The following BRIP1 variants were observed in gnomAD, a reference collection of about 807,000 sequenced individuals.
BRIP1 encodes the protein BRCA1 interacting DNA helicase 1.
Under a neutral mutation model 119.7 loss-of-function variants are expected in BRIP1, and 88 were observed. The observed-to-expected ratio is 0.74, with a 90% CI of 0.62 to 0.88. The LOEUF is 0.88. BRIP1 is among the 40% of genes least tolerant of loss of function. The pLI, the probability that BRIP1 is intolerant of heterozygous loss-of-function variation, is 0.00. For missense variants in BRIP1, 1,259 were observed against 1,455.4 expected (o/e 0.87, Z 2.20); for synonymous variants, 443 against 496.5 (o/e 0.89, Z 1.43).
At position 61,806,146 on chromosome 17, in the gene BRIP1, A is replaced by G. The variant is rs2078070255; in HGVS notation, c.918+2321T>C. On this transcript the variant is annotated intron_variant, in intron 7 of 19. Transcript: ENST00000259008. This position sits in a 1 kb window ranked among gnomAD's most constrained non-coding sequence, Gnocchi z 4.9. ...TGCAGGCTGACAGCAAAACCAGAAA[A>G]GCTCATCCATTTTAGCAGTGTAACA... Among the ~76,000 whole-genome samples the G allele has an allele frequency of 6.6e-6, 1 of 152,208 alleles. No homozygotes were observed. The highest frequency in any genetic ancestry group is 1.5e-5 in the Non-Finnish European group (1 of 68,034).
At chr17:61,784,632 C>A (rs2077677139) in intron 10 of BRIP1, among the ~76,000 whole-genome samples, 1 of 152,084 alleles carries the variant, frequency 6.6e-6, no homozygotes, top group Admixed American at 6.6e-5. Context: ...GGTTTGGGAC[C>A]ATGGGGGTAG....
In BRIP1 at chr17:61,825,003, C is replaced by T. The variant is rs998133404; in HGVS notation, c.628-16246G>A. ...AAAACCAGCACAAGAAAAGGAAGCCCGGCCGGGTGCAGTGGCTCACGCCTG... is the reference window on the plus strand; with the variant it reads ...AAAACCAGCACAAGAAAAGGAAGCCTGGCCGGGTGCAGTGGCTCACGCCTG... On this transcript the variant is annotated intron_variant, in intron 6 of 19. Transcript: ENST00000259008. The surrounding 1 kb of genome is among the most constrained non-coding windows in gnomAD (Gnocchi z 4.1). Among the ~76,000 whole-genome samples, 21 of 152,056 alleles carry T rather than the reference C, an allele frequency of 1.4e-4. No homozygotes were observed. The highest frequency in any genetic ancestry group is 1.2e-4 in the Non-Finnish European group (8 of 67,922).
rs538179178 is a variant in BRIP1 at position 61,814,720 on chromosome 17, T to C, written c.628-5963A>G. On this transcript the variant is annotated intron_variant, in intron 6 of 19. Coordinates refer to ENST00000259008, the MANE Select transcript of BRIP1 (RefSeq NM_032043.3). This position sits in a 1 kb window ranked among gnomAD's most constrained non-coding sequence, Gnocchi z 4.9. The stretch of plus-strand genomic sequence containing the variant: ...TGACCCAGCATGACACTGTTAGGTA[T>C]ACATGCTAGAAAAACTCTTGCACAT... 5.9e-5 allele frequency among the ~76,000 whole-genome samples: 9 copies of C among 152,128 alleles called. No individual in the cohort carries two copies. The East Asian group carries it at 1.7e-3, about 29-fold the overall frequency.
Position 61,748,091 on chromosome 17 carries a change from G to A in BRIP1, c.2098-3500C>T, listed in dbSNP as rs1024642940. The stretch of plus-strand genomic sequence containing the variant: ...CCAACCCCCAGGCCACAGAATACTG[G>A]TAGAATCCAGGCTGCACAGCAGGAG... On this transcript the variant is annotated intron_variant, in intron 14 of 19. Transcript: ENST00000259008. This position sits in a 1 kb window ranked among gnomAD's most constrained non-coding sequence, Gnocchi z 4.7. Among the ~76,000 whole-genome samples the A allele has an allele frequency of 6.6e-6, 1 of 152,120 alleles. No homozygotes were observed. Among genetic ancestry groups the A allele is most frequent in the Non-Finnish European group, 1.5e-5 (1 of 68,006 alleles).
At chr17:61,811,732 G>T (rs1371336106) in intron 6 of BRIP1, among the ~76,000 whole-genome samples, 1 of 151,444 alleles carries the variant, frequency 6.6e-6, no homozygotes, top group Non-Finnish European at 1.5e-5. Context: ...CACGTGGATT[G>T]CTTTGGGTCA....
rs1185773122 is a variant in BRIP1 at position 61,745,509 on chromosome 17, C to T, written c.2098-918G>A. ...TTAGCCTCCTGAGTAGCTGGGACTA[C>T]AGGTGCATGCCACTACACCCAGCTA... On this transcript the variant is annotated intron_variant, in intron 14 of 19. Coordinates refer to ENST00000259008, the MANE Select transcript of BRIP1 (RefSeq NM_032043.3). This position sits in a 1 kb window ranked among gnomAD's most constrained non-coding sequence, Gnocchi z 4.4. Among the ~76,000 whole-genome samples, 1 of 152,100 alleles carries T rather than the reference C, an allele frequency of 6.6e-6. No individual in the cohort carries two copies. Among genetic ancestry groups the T allele is most frequent in the Non-Finnish European group, 1.5e-5 (1 of 68,014 alleles).
In BRIP1 at chr17:61,770,468, A is replaced by T. The variant is rs982162009; in HGVS notation, c.2097+5933T>A. Among the ~76,000 whole-genome samples the T allele has an allele frequency of 2.0e-5, 3 of 152,254 alleles. No homozygotes were observed. The highest frequency in any genetic ancestry group is 2.9e-5 in the Non-Finnish European group (2 of 68,044). On this transcript the variant is annotated intron_variant, in intron 14 of 19. Transcript: ENST00000259008. The surrounding 1 kb of genome is among the most constrained non-coding windows in gnomAD (Gnocchi z 4.7). Reference sequence around the variant, plus strand: ...TAAAAGACAGTATAAAATGTGTTTTAACATAGATACAAAAGACAATATAAA... The same window carrying T: ...TAAAAGACAGTATAAAATGTGTTTTTACATAGATACAAAAGACAATATAAA...
Position 61,807,421 on chromosome 17 carries a change from T to C in BRIP1, c.918+1046A>G, listed in dbSNP as rs1432784077. Reference sequence around the variant, plus strand: ...GGAACAAGTCACTCAAGTTTTGCCATTGGAACACCTTACTACTTATACTTT... The same window carrying C: ...GGAACAAGTCACTCAAGTTTTGCCACTGGAACACCTTACTACTTATACTTT... On this transcript the variant is annotated intron_variant, in intron 7 of 19. Transcript: ENST00000259008. This position sits in a 1 kb window ranked among gnomAD's most constrained non-coding sequence, Gnocchi z 4.5. 3.3e-5 allele frequency among the ~76,000 whole-genome samples: 5 copies of C among 152,226 alleles called. No homozygotes were observed. Among genetic ancestry groups the C allele is most frequent in the African/African-American group, 9.6e-5 (4 of 41,468 alleles).
chr17:61,721,122 G>A (rs1200691238), intron 16 of BRIP1, among the ~76,000 whole-genome samples: 3 of 152,098 alleles, frequency 2.0e-5, no homozygotes, highest in South Asian at 2.1e-4. Context: ...GATTACAGGC[G>A]TGAGCCACTG....
Position 61,822,203 on chromosome 17 carries a change from T to C in BRIP1, c.628-13446A>G, listed in dbSNP as rs1326652489. 6.6e-6 allele frequency among the ~76,000 whole-genome samples: 1 copy of C among 152,164 alleles called. No individual in the cohort carries two copies. The highest frequency in any genetic ancestry group is 1.5e-5 in the Non-Finnish European group (1 of 68,016). ...CAATAAAAGAAGAAGAAAAGCTATT[T>C]GACGAATAGACTGATAATGGGATTC... On this transcript the variant is annotated intron_variant, in intron 6 of 19. Coordinates refer to ENST00000259008, the MANE Select transcript of BRIP1 (RefSeq NM_032043.3). This position sits in a 1 kb window ranked among gnomAD's most constrained non-coding sequence, Gnocchi z 4.4.
rs559014656 is a variant in BRIP1, at chr17:61,689,857, T to C, written c.2575+3573A>G. ...GAGACCCCATCTCTACAAAAAAAATTAAAAATTAGCCAGGTCTGGTGGTGC... is the reference window on the plus strand; with the variant it reads ...GAGACCCCATCTCTACAAAAAAAATCAAAAATTAGCCAGGTCTGGTGGTGC... On this transcript the variant is annotated intron_variant, in intron 18 of 19. Transcript: ENST00000259008. The surrounding 1 kb of genome is among the most constrained non-coding windows in gnomAD (Gnocchi z 4.5). 3.3e-5 allele frequency among the ~76,000 whole-genome samples: 5 copies of C among 151,924 alleles called. 1 individual carries two copies. The South Asian group carries it at 1.0e-3, about 32-fold the overall frequency.
chr17:61,744,569 C>T lies in BRIP1; in HGVS notation c.2120G>A (p.Arg707His), dbSNP rs200313471. The change falls in exon 15 of 20, where the codon CGT (arginine) becomes CAT (histidine). Residue 707 changes from arginine (R) to histidine (H), a missense_variant. By Grantham distance (29) the Arg-to-His change is conservative. Around this residue, in one of 3 missense-constraint regions of BRIP1, gnomAD observed 753 missense variants for 891.8 expected, o/e 0.84. Coordinates refer to ENST00000259008, the MANE Select transcript of BRIP1 (RefSeq NM_032043.3). The surrounding 1 kb of genome is among the most constrained non-coding windows in gnomAD (Gnocchi z 5.0). ...SYKLLEKLKE[R>H]WLSTGLWHNL... ...ATGCCATAAACCAGTAGAGAGCCAA[C>T]GTTCTTTTAATTTTTCTAATAACTA... 8 of 1,613,470 alleles carry T rather than the reference C, an allele frequency of 5.0e-6. No homozygotes were observed. The highest frequency in any genetic ancestry group is 2.2e-5 in the East Asian group (1 of 44,818).
chr17:61,696,926 C>A (rs1455530730), intron 17 of BRIP1, among the ~76,000 whole-genome samples: 1 of 131,184 alleles, frequency 7.6e-6, no homozygotes, highest in African/African-American at 2.9e-5. Context: ...GTGGAGCTTG[C>A]AGTAAGCTGA....
chr17:61,784,436 T>C lies in BRIP1; in HGVS notation c.1474-12A>G, dbSNP rs1274828018. 5 of 1,608,732 alleles carry C rather than the reference T, an allele frequency of 3.1e-6. No individual in the cohort carries two copies. The highest frequency in any genetic ancestry group is 1.3e-5 in the African/African-American group (1 of 74,804). ...GCAGAAAAATGTCCCTATAAGAAAT[T>C]ACCATATTAAGTATAGAGGGGTTGG... On this transcript the variant is annotated splice_polypyrimidine_tract_variant and intron_variant, in intron 10 of 19. Transcript: ENST00000259008.
At chr17:61,716,934 G>A (rs1240061692) in intron 16 of BRIP1, among the ~76,000 whole-genome samples, 1 of 121,656 alleles carries the variant, frequency 8.2e-6, no homozygotes, top group Non-Finnish European at 1.7e-5. Flanking sequence ...CACATATGAT[G>A]TAAAAACAAT....
rs771122056 is a variant in BRIP1, at chr17:61,744,534, A to C, written c.2155T>G (p.Leu719Val). 6.2e-7 allele frequency: 1 copy of C among 1,613,812 alleles called. No individual in the cohort carries two copies. The highest frequency in any genetic ancestry group is 2.2e-5 in the East Asian group (1 of 44,834). The change falls in exon 15 of 20, where the codon TTG becomes GTG. Residue 719 changes from leucine to valine, a missense_variant. Physicochemically the swap from Leu to Val is conservative, Grantham distance 32. Transcript: ENST00000259008. The surrounding 1 kb of genome is among the most constrained non-coding windows in gnomAD (Gnocchi z 5.0). ...LSTGLWHNLE[L>V]VKTVIVEPQG... ...GGTTCTACAATGACTGTCTTCACCAACTCCAGATTATGCCATAAACCAGTA... is the reference window on the plus strand; with the variant it reads ...GGTTCTACAATGACTGTCTTCACCACCTCCAGATTATGCCATAAACCAGTA...
chr17:61,858,030 A>C (rs1023318306), intron 3 of BRIP1, among the ~76,000 whole-genome samples: 12 of 152,154 alleles, frequency 7.9e-5, no homozygotes, highest in Non-Finnish European at 1.6e-4. Flanking sequence ...TTGATGTATT[A>C]ATTCTGATAC....
Position 61,736,387 on chromosome 17 carries a change from C to A in BRIP1, c.2379+6626G>T, listed in dbSNP as rs1000138945. On this transcript the variant is annotated intron_variant, in intron 16 of 19. Coordinates refer to ENST00000259008, the MANE Select transcript of BRIP1 (RefSeq NM_032043.3). This position sits in a 1 kb window ranked among gnomAD's most constrained non-coding sequence, Gnocchi z 4.4. ...ATAAAAGAGGGATAGCTAATATAGT[C>A]AATATAAGATACTCCCTCCACTTAT... Among the ~76,000 whole-genome samples, 1 of 151,826 alleles carries A rather than the reference C, an allele frequency of 6.6e-6. No homozygotes were observed. Among genetic ancestry groups the A allele is most frequent in the Non-Finnish European group, 1.5e-5 (1 of 67,920 alleles).
intron 6 of BRIP1, among the ~76,000 whole-genome samples, chr17:61,829,625 A>T (rs1269279310): frequency 1.3e-5 from 2 of 152,222 alleles, no homozygotes; most frequent in Non-Finnish European, 2.9e-5. Flanking sequence ...GCCAAGACAG[A>T]TCGTCAAATT....
Sources: allele counts gnomAD v4.1 joint callset (sites outside exome capture counted in the v4.1 genomes callset), GRCh38; gene constraint gnomAD v4.1.1; regional missense constraint gnomAD v4.1.1; non-coding constraint Gnocchi (gnomAD v3.1); transcripts MANE v1.5; gene names NCBI Gene and HGNC (gene_info 2026-07-23, HGNC 2026-07-21).